TMCC2: variants seen among roughly 807,000 people sequenced by gnomAD.
TMCC2 encodes the protein transmembrane and coiled-coil domains protein 2.
A neutral mutation model predicts 49.4 loss-of-function variants in TMCC2; 16 were observed. That is an observed-to-expected ratio of 0.32 (90% CI 0.22 to 0.49). The LOEUF (loss-of-function observed/expected upper bound fraction) is 0.49, where lower values mean the gene tolerates loss of function less well. TMCC2 is among the 20% of genes least tolerant of loss of function. The pLI is 0.99. For missense variants in TMCC2, 762 were observed against 989.8 expected, an observed-to-expected ratio of 0.77 and a Z score of 3.09; for synonymous variants, 397 against 434.1, an observed-to-expected ratio of 0.91 and a Z score of 1.06.
intron 2 of TMCC2, among the ~76,000 whole-genome samples, chr1:205,261,353 C>T (rs1030546429): frequency 6.7e-6 from 1 of 150,006 alleles, no homozygotes; most frequent in Admixed American, 6.6e-5. Context: ...TACAGGCATG[C>T]ACCACCACAC....
Position 205,239,324 on chromosome 1 carries a change from G to A in TMCC2, c.208-2181G>A, listed in dbSNP as rs908046186. ...ACATCAGCTTGGGCCTGGGGAAGGGGGAGGTGTCCTGGCAGGTCCCTGGTC... is the reference window on the plus strand; with the variant it reads ...ACATCAGCTTGGGCCTGGGGAAGGGAGAGGTGTCCTGGCAGGTCCCTGGTC... On this transcript the variant is annotated intron_variant, in intron 1 of 4. Transcript: ENST00000358024. Among the ~76,000 whole-genome samples the A allele has an allele frequency of 2.6e-5, 4 of 152,160 alleles. No individual in the cohort carries two copies. In the East Asian group the frequency reaches 7.7e-4, roughly 29 times the overall value.
Position 205,271,969 on chromosome 1 carries a change from G to A in TMCC2, c.1975G>A (p.Val659Met), listed in dbSNP as rs775184695. 1 of 1,614,220 alleles carries A rather than the reference G, an allele frequency of 6.2e-7. No homozygotes were observed. The highest frequency in any genetic ancestry group is 8.5e-7 in the Non-Finnish European group (1 of 1,180,040). Residue 659 changes from valine (V) to methionine (M), a missense_variant, in exon 5 of 5, where the codon GTG (valine) becomes ATG (methionine). By Grantham distance (21) the Val-to-Met change is conservative. Transcript: ENST00000358024. ...VILALMAVLL[V>M]FVSTIANFIT... ...CCTGGCGCTCATGGCCGTGCTGCTG[G>A]TGTTCGTGTCCACCATCGCCAACTT...
At chr1:205,237,881 T>G (rs1323127267) in intron 1 of TMCC2, among the ~76,000 whole-genome samples, 1 of 152,184 alleles carries the variant, frequency 6.6e-6, no homozygotes, top group Non-Finnish European at 1.5e-5. Flanking sequence ...CCTCACTTCC[T>G]TCCCCGGGGC....
At chr1:205,229,697 G>C (rs1435259917) in intron 1 of TMCC2, 12 of 985,528 alleles carry the variant, frequency 1.2e-5, no homozygotes, top group Non-Finnish European at 1.4e-5. Flanking sequence ...AGCAGTGCTT[G>C]GGCTGGTTTG....
intron 2 of TMCC2, among the ~76,000 whole-genome samples, chr1:205,251,649 T>C (rs1452617017): frequency 6.6e-6 from 1 of 152,244 alleles, no homozygotes; most frequent in Non-Finnish European, 1.5e-5. Context: ...GGTTTCTTCA[T>C]TGCCTGAGAA....
At chr1:205,270,007 A>T in intron 3 of TMCC2, 123 bp downstream of exon 3, 1 of 927,066 alleles carries the variant, frequency 1.1e-6, no homozygotes, top group Non-Finnish European at 1.6e-6. Context: ...TGGCTGCTGG[A>T]AGGAGCCAGC....
intron 1 of TMCC2, among the ~76,000 whole-genome samples, chr1:205,235,324 C>T (rs775475403): frequency 4.6e-5 from 7 of 152,160 alleles, no homozygotes; most frequent in Non-Finnish European, 8.8e-5. Context: ...AGATTAATTC[C>T]CAGCTGCCCT....
In TMCC2 at chr1:205,268,966, T is replaced by C. The variant is rs778257014; in HGVS notation, c.764T>C (p.Leu255Pro). 1 of 1,612,650 alleles carries C rather than the reference T, an allele frequency of 6.2e-7. No individual in the cohort carries two copies. The highest frequency in any genetic ancestry group is 1.1e-5 in the South Asian group (1 of 91,054). The change falls in exon 3 of 5, where the codon CTG (leucine) becomes CCG (proline). Residue 255 changes from leucine (L) to proline (P), a missense_variant. Physicochemically the swap from Leu to Pro is moderately conservative, Grantham distance 98. Transcript: ENST00000358024. ...TTTCCCCAGGTCGATAAGGGAGACC[T>C]GGTGGCCCTGAGCCTCCCCGCCGGC... is the stretch of plus-strand genomic sequence containing the variant. ...GIGDKVDKGD[L>P]VALSLPAGHG...
At chr1:205,271,284 C>T (rs202216175) in intron 4 of TMCC2, 29 bp downstream of exon 4, 4 of 1,613,814 alleles carry the variant, frequency 2.5e-6, no homozygotes, top group East Asian at 4.5e-5. Context: ...TGGGAGGCCC[C>T]AGATGTGCTG....
intron 3 of TMCC2, among the ~76,000 whole-genome samples, chr1:205,270,528 T>C (rs1166687802): frequency 2.0e-5 from 3 of 152,234 alleles, no homozygotes; most frequent in African/African-American, 7.2e-5. Context: ...GCTCGCTCCC[T>C]GGGCTTGTGG....
chr1:205,266,589 C>CAA (rs61561095), intron 2 of TMCC2, among the ~76,000 whole-genome samples: 35,301 of 136,280 alleles, frequency 0.26, 5,565 homozygotes, highest in Non-Finnish European at 0.37. Context: ...ACCCCGTCTC[C>CAA]AAAAAAAAAC....
chr1:205,264,811 A>G lies in TMCC2; in HGVS notation c.748-4139A>G, dbSNP rs995651277. On this transcript the variant is annotated intron_variant, in intron 2 of 4. Coordinates refer to ENST00000358024, the MANE Select transcript of TMCC2 (RefSeq NM_014858.4). The surrounding 1 kb of genome is among the most constrained non-coding windows in gnomAD (Gnocchi z 4.2). Reference sequence around the variant, plus strand: ...CTGGCCCCTGTATTTTAAAATTTGTATTATTATTATTTTAATCCATGGTTG... The same window carrying G: ...CTGGCCCCTGTATTTTAAAATTTGTGTTATTATTATTTTAATCCATGGTTG... Among the ~76,000 whole-genome samples the G allele has an allele frequency of 5.3e-5, 8 of 152,044 alleles. No homozygotes were observed. The highest frequency in any genetic ancestry group is 1.2e-4 in the Non-Finnish European group (8 of 68,004).
chr1:205,232,244 G>T (rs1250896816), intron 1 of TMCC2, among the ~76,000 whole-genome samples: 1 of 152,148 alleles, frequency 6.6e-6, no homozygotes, highest in Non-Finnish European at 1.5e-5. Flanking sequence ...ACCTAAAAAT[G>T]GACATTGCCT....
At chr1:205,242,785 G>A (rs773242394) in intron 2 of TMCC2, among the ~76,000 whole-genome samples, 1 of 152,156 alleles carries the variant, frequency 6.6e-6, no homozygotes, top group Non-Finnish European at 1.5e-5. Context: ...AGGAGAGAGC[G>A]AGGAGCTGGC....
chr1:205,237,886 C>T (rs763297298), intron 1 of TMCC2, among the ~76,000 whole-genome samples: 2 of 152,170 alleles, frequency 1.3e-5, no homozygotes, highest in Admixed American at 6.5e-5. Context: ...CTTCCTTCCC[C>T]GGGGCACCTC....
chr1:205,269,734 G>T lies in TMCC2; in HGVS notation c.1532G>T (p.Gly511Val). Reference sequence around the variant, plus strand: ...AGCCCTAAGTCCAATGCACTGTATGGTGCTCCTGGAAACCTGGATGCTCTG... The same window carrying T: ...AGCCCTAAGTCCAATGCACTGTATGTTGCTCCTGGAAACCTGGATGCTCTG... ...LGSPKSNALY[G>V]APGNLDALLE... The change falls in exon 3 of 5, where the codon GGT becomes GTT. Residue 511 changes from glycine to valine, a missense_variant. Gly to Val is a moderately radical substitution (Grantham distance 109, BLOSUM62 -3). Around this residue, in one of 2 missense-constraint regions of TMCC2, gnomAD observed 440 missense variants for 636.7 expected, o/e 0.69. Coordinates refer to ENST00000358024, the MANE Select transcript of TMCC2 (RefSeq NM_014858.4). The T allele has an allele frequency of 6.2e-7, 1 of 1,614,212 alleles. No homozygotes were observed. The highest frequency in any genetic ancestry group is 1.1e-5 in the South Asian group (1 of 91,092).
At position 205,268,948 on chromosome 1, in the gene TMCC2, A is replaced by C; in HGVS notation, c.748-2A>C. ...GCTTCCTCTGCCTGCCTCTTTCCCC[A>C]GGTCGATAAGGGAGACCTGGTGGCC... On this transcript the variant is annotated splice_acceptor_variant, in intron 2 of 4. Transcript: ENST00000358024. LOFTEE classifies it high-confidence loss of function. 8 of 1,611,200 alleles carry C rather than the reference A, an allele frequency of 5.0e-6. No individual in the cohort carries two copies. Among genetic ancestry groups the C allele is most frequent in the Non-Finnish European group, 5.9e-6 (7 of 1,178,588 alleles).
At chr1:205,259,931 G>A (rs190736840) in intron 2 of TMCC2, among the ~76,000 whole-genome samples, 83 of 152,318 alleles carry the variant, frequency 5.4e-4, no homozygotes, top group Admixed American at 9.2e-4. Context: ...TTGGGTCTTG[G>A]ACACTTGAGA....
At chr1:205,257,442 T>C in intron 2 of TMCC2, 1 of 1,215,998 alleles carries the variant, frequency 8.2e-7, no homozygotes, top group Admixed American at 4.2e-5. Context: ...AGGCCTGTTC[T>C]GCAGTTAGTC....
Sources: allele counts gnomAD v4.1 joint callset (sites outside exome capture counted in the v4.1 genomes callset), GRCh38; gene constraint gnomAD v4.1.1; regional missense constraint gnomAD v4.1.1; non-coding constraint Gnocchi (gnomAD v3.1); transcripts MANE v1.5; gene names NCBI Gene and HGNC (gene_info 2026-07-23, HGNC 2026-07-21).